Variants in KMT2C observed in about 807,000 individuals in gnomAD.
KMT2C encodes the protein lysine methyltransferase 2C, also known as histone-lysine N-methyltransferase 2C.
In KMT2C, 88 loss-of-function variants were observed where a neutral mutation model predicts 507.9. The observed-to-expected ratio is 0.17, with a 90% CI of 0.15 to 0.21. The LOEUF (loss-of-function observed/expected upper bound fraction) is 0.21. Among genes scored for constraint, KMT2C ranks in the 10% least tolerant of loss-of-function variants. The pLI, the probability that KMT2C is intolerant of heterozygous loss-of-function variation, is 1.00. For synonymous variants in KMT2C, 2,049 were observed against 2,080.8 expected, an observed-to-expected ratio of 0.98 and a Z score of 0.42; for missense variants, 4,954 against 5,957.8, an observed-to-expected ratio of 0.83 and a Z score of 5.55.
chr7:152,162,574 G>A lies in KMT2C; in HGVS notation c.11003C>T (p.Thr3668Ile), dbSNP rs2129103856. 1 of 1,614,244 alleles carries A rather than the reference G, an allele frequency of 6.2e-7. No homozygotes were observed. The highest frequency in any genetic ancestry group is 8.5e-7 in the Non-Finnish European group (1 of 1,180,044). The change falls in exon 43 of 59, where the codon ACT becomes ATT. Residue 3668 changes from threonine (T) to isoleucine (I), a missense_variant. By Grantham distance (89) the Thr-to-Ile change is moderately conservative. Transcript: ENST00000262189. The stretch of plus-strand genomic sequence containing the variant: ...TAGCTGGCCTGCTGCCATATTGGGA[G>A]TGGATGGGCCGACTGGTTCCACCGA... ...QESVEPVGPS[T>I]PNMAAGQLCT...
chr7:152,345,282 C>T (rs1171850327), intron 2 of KMT2C, among the ~76,000 whole-genome samples: 1 of 151,828 alleles, frequency 6.6e-6, no homozygotes, highest in African/African-American at 2.4e-5. Flanking sequence ...TGGTGGTGTG[C>T]ACCAGTAGTC....
chr7:152,424,079 G>C (rs764758869), intron 1 of KMT2C, among the ~76,000 whole-genome samples: 1 of 152,240 alleles, frequency 6.6e-6, no homozygotes, highest in Non-Finnish European at 1.5e-5. Context: ...AAAGAGGATG[G>C]AAAATAATGA....
intron 1 of KMT2C, among the ~76,000 whole-genome samples, chr7:152,392,767 G>A (rs1339591201): frequency 6.6e-6 from 1 of 152,104 alleles, no homozygotes; most frequent in Admixed American, 6.5e-5. Context: ...TGATGAGAAA[G>A]CTCACACTCA....
At chr7:152,336,460 A>AT (rs1480640785) in intron 2 of KMT2C, among the ~76,000 whole-genome samples, 1 of 152,168 alleles carries the variant, frequency 6.6e-6, no homozygotes, top group African/African-American at 2.4e-5. Context: ...CCAACCAGAG[A>AT]TGTCATCCAG....
chr7:152,251,896 T>A, intron 11 of KMT2C, 43 bp downstream of exon 11: 1 of 1,503,372 alleles, frequency 6.7e-7, no homozygotes, highest in Non-Finnish European at 9.0e-7. Context: ...GGCACAACAT[T>A]ACAAAAACAA....
chr7:152,319,119 G>A (rs778801338), intron 3 of KMT2C, among the ~76,000 whole-genome samples: 3 of 152,168 alleles, frequency 2.0e-5, no homozygotes, highest in Non-Finnish European at 4.4e-5. Context: ...CAGGCTATGT[G>A]TATAAGGTAT....
intron 39 of KMT2C, among the ~76,000 whole-genome samples, chr7:152,173,910 C>T (rs1489035313): frequency 2.6e-5 from 4 of 152,118 alleles, no homozygotes; most frequent in Non-Finnish European, 5.9e-5. Context: ...TTACATTTAC[C>T]ATCCTTGAGA....
At chr7:152,300,862 A>G (rs888870299) in intron 6 of KMT2C, among the ~76,000 whole-genome samples, 3 of 152,018 alleles carry the variant, frequency 2.0e-5, no homozygotes, top group African/African-American at 7.2e-5. Context: ...GATTGAGACC[A>G]TCCTAGCCAA....
At chr7:152,165,640 T>C (rs953933906) in intron 42 of KMT2C, among the ~76,000 whole-genome samples, 2 of 152,212 alleles carry the variant, frequency 1.3e-5, no homozygotes, top group African/African-American at 2.4e-5. Flanking sequence ...CCTAATCTAA[T>C]AGTTATAAGC....
At chr7:152,163,915 C>G in intron 42 of KMT2C, 89 bp from the exon 43 acceptor site, 2 of 1,308,582 alleles carry the variant, frequency 1.5e-6, no homozygotes, top group Non-Finnish European at 2.2e-6. Context: ...TGAGGTTACA[C>G]AGAGGGCAGT....
chr7:152,419,838 AG>A (rs756968775), intron 1 of KMT2C, among the ~76,000 whole-genome samples: 27 of 152,374 alleles, frequency 1.8e-4, no homozygotes, highest in African/African-American at 6.0e-4. Flanking sequence ...ATTATCAAAA[AG>A]GTAACTTCTG....
chr7:152,416,301 T>C (rs866622868), intron 1 of KMT2C, among the ~76,000 whole-genome samples: 12 of 152,074 alleles, frequency 7.9e-5, no homozygotes, highest in Admixed American at 2.6e-4. Context: ...ATCCCAGCAC[T>C]TTGGGAGGCC....
At chr7:152,305,653 G>A (rs182150855) in intron 6 of KMT2C, among the ~76,000 whole-genome samples, 65 of 151,920 alleles carry the variant, frequency 4.3e-4, no homozygotes, top group South Asian at 3.3e-3. Context: ...GTATGGACTC[G>A]TGTACTTATT....
At position 152,167,257 on chromosome 7, in the gene KMT2C, T is replaced by C. The variant is rs1440070731; in HGVS notation, c.9639A>G (p.Ser3213=). Residue 3213 remains serine, a synonymous_variant, in exon 42 of 59, where the codon TCA becomes TCG. Transcript: ENST00000262189. ...GAHRKSKKAL[S]AKQRTAKKAG... is the part of the protein sequence containing the mutation. ...CTTTCTTGGCAGTACGTTGTTTAGC[T>C]GAAAGGGCCTTCTTAGATTTTCTGT... The C allele has an allele frequency of 6.2e-7, 1 of 1,614,156 alleles. No homozygotes were observed. Among genetic ancestry groups the C allele is most frequent in the Admixed American group, 1.7e-5 (1 of 60,032 alleles).
chr7:152,360,849 C>CA (rs780954040), intron 1 of KMT2C, among the ~76,000 whole-genome samples: 1,285 of 118,862 alleles, frequency 0.011, 7 homozygotes, highest in East Asian at 0.034. Flanking sequence ...AATTCTATCT[C>CA]AAAAAGAAAA....
intron 28 of KMT2C, chr7:152,195,606 A>T: frequency 1.1e-6 from 1 of 930,390 alleles, no homozygotes; most frequent in Non-Finnish European, 1.3e-6. Flanking sequence ...GATGATTACC[A>T]CAGGAGCAGG....
At chr7:152,206,899 TA>T (rs1363515706) in intron 24 of KMT2C, among the ~76,000 whole-genome samples, 1 of 152,128 alleles carries the variant, frequency 6.6e-6, no homozygotes, top group African/African-American at 2.4e-5. Context: ...CACTCCTGCA[TA>T]AACACTGAAA....
chr7:152,216,336 C>T (rs2094582127), intron 23 of KMT2C, among the ~76,000 whole-genome samples: 1 of 152,100 alleles, frequency 6.6e-6, no homozygotes, highest in African/African-American at 2.4e-5. Flanking sequence ...TGATGTATGA[C>T]TTTTCTTAAG....
intron 1 of KMT2C, among the ~76,000 whole-genome samples, chr7:152,375,995 T>C (rs1490089783): frequency 1.3e-5 from 2 of 152,020 alleles, no homozygotes; most frequent in African/African-American, 2.4e-5. Flanking sequence ...TTATTTTTTA[T>C]AGAGATGGGG....
Sources: allele counts gnomAD v4.1 joint callset (sites outside exome capture counted in the v4.1 genomes callset), GRCh38; gene constraint gnomAD v4.1.1; transcripts MANE v1.5; gene names NCBI Gene and HGNC (gene_info 2026-07-23, HGNC 2026-07-21).